GOLGB1: variants seen among roughly 807,000 people sequenced by gnomAD.
The protein encoded by GOLGB1 is golgin subfamily B member 1.
In GOLGB1, 174 loss-of-function variants were observed where a neutral mutation model predicts 336.9. The ratio of observed to expected loss-of-function variants is 0.52; its 90% CI spans 0.46 to 0.59. GOLGB1 has a LOEUF of 0.59. Among genes scored for constraint, GOLGB1 ranks in the 20% least tolerant of loss-of-function variants. GOLGB1 has a pLI of 0.00. For synonymous variants in GOLGB1, 1,208 were observed against 1,289.2 expected (o/e 0.94, Z 1.35); for missense variants, 3,331 against 3,645.3 (o/e 0.91, Z 2.22).
intron 10 of GOLGB1, among the ~76,000 whole-genome samples, chr3:121,711,476 A>C (rs534695358): frequency 6.6e-6 from 1 of 152,268 alleles, no homozygotes; most frequent in Non-Finnish European, 1.5e-5. Flanking sequence ...ACAATGCAAG[A>C]AAGTCCAGTC....
chr3:121,718,324 C>T, intron 8 of GOLGB1, 64 bp downstream of exon 8: 2 of 1,001,186 alleles, frequency 2.0e-6, no homozygotes, highest in Non-Finnish European at 3.1e-6. Context: ...ATATCTACTG[C>T]CTGGCAAACG....
At chr3:121,728,022 G>GAT (rs1945805282) in intron 4 of GOLGB1, among the ~76,000 whole-genome samples, 1 of 152,122 alleles carries the variant, frequency 6.6e-6, no homozygotes, top group Non-Finnish European at 1.5e-5. Context: ...GTATAAAATG[G>GAT]ATAATTTAAA....
At chr3:121,676,808 T>C in intron 17 of GOLGB1, 85 bp downstream of exon 17, 3 of 1,161,544 alleles carry the variant, frequency 2.6e-6, no homozygotes, top group Non-Finnish European at 3.9e-6. Flanking sequence ...CAGCTGGGAC[T>C]CTATGCTGAA....
chr3:121,681,282 C>T (rs1340820028), intron 15 of GOLGB1, among the ~76,000 whole-genome samples: 1 of 152,072 alleles, frequency 6.6e-6, no homozygotes, highest in Non-Finnish European at 1.5e-5. Context: ...AAATTGAACA[C>T]AGATTAGTGG....
intron 11 of GOLGB1, among the ~76,000 whole-genome samples, chr3:121,701,588 G>A (rs777253902): frequency 2.6e-5 from 4 of 152,098 alleles, no homozygotes; most frequent in Admixed American, 6.6e-5. Flanking sequence ...TTAACGACAC[G>A]CTACTAAATC....
rs1195358625 is a variant in GOLGB1 at position 121,693,929 on chromosome 3, G to A, written c.6594C>T (p.Ser2198=). The A allele has an allele frequency of 6.2e-7, 1 of 1,613,822 alleles. No individual in the cohort carries two copies. Residue 2198 remains serine, a synonymous_variant, in exon 13 of 22, where the codon AGC becomes AGT. Coordinates refer to ENST00000614479, the MANE Select transcript of GOLGB1 (RefSeq NM_001366282.2). ...TVTQLAAFTK[S]MSSLQDDRDR... ...CACGATCATCCTGGAGGGAAGACAT[G>A]CTCTTAGTAAAGGCTGCAAGCTGGG...
intron 6 of GOLGB1, 71 bp downstream of exon 6, chr3:121,722,191 A>T: frequency 1.2e-6 from 1 of 816,582 alleles, no homozygotes; most frequent in Non-Finnish European, 2.1e-6. Flanking sequence ...AAAGTGACTC[A>T]CTGAATTGAC....
intron 5 of GOLGB1, among the ~76,000 whole-genome samples, chr3:121,725,482 T>C (rs1218453350): frequency 1.3e-5 from 2 of 152,216 alleles, no homozygotes; most frequent in Non-Finnish European, 1.5e-5. Context: ...GTGAACCCTA[T>C]GCTTGTCCTA....
intron 5 of GOLGB1, among the ~76,000 whole-genome samples, chr3:121,725,909 A>G (rs1409234200): frequency 6.6e-6 from 1 of 152,088 alleles, no homozygotes; most frequent in Non-Finnish European, 1.5e-5. Flanking sequence ...TGAGAGCCCT[A>G]TCAGCAAGAA....
chr3:121,679,510 C>A (rs1940814260), intron 15 of GOLGB1, among the ~76,000 whole-genome samples: 1 of 152,146 alleles, frequency 6.6e-6, no homozygotes, highest in Admixed American at 6.5e-5. Flanking sequence ...CCAATGAGTA[C>A]CAAGTTTACT....
Position 121,699,870 on chromosome 3 carries a change from T to C in GOLGB1, c.1535A>G (p.Gln512Arg). 6.3e-7 allele frequency: 1 copy of C among 1,597,792 alleles called. No homozygotes were observed. ...LKAENEKLSS[Q>R]ITLLEAQNRT... ...ATTCTGAGCCTCTAGGAGAGTAATCTGAGAAGACAGTTTTTCTGAAAGTCA... is the reference window on the plus strand; with the variant it reads ...ATTCTGAGCCTCTAGGAGAGTAATCCGAGAAGACAGTTTTTCTGAAAGTCA... The change falls in exon 12 of 22, where the codon CAG (glutamine) becomes CGG (arginine). Residue 512 changes from glutamine (Q) to arginine (R), a missense_variant. Coordinates refer to ENST00000614479, the MANE Select transcript of GOLGB1 (RefSeq NM_001366282.2).
At chr3:121,700,598 T>A (rs1323430178) in intron 11 of GOLGB1, among the ~76,000 whole-genome samples, 2 of 152,136 alleles carry the variant, frequency 1.3e-5, no homozygotes, top group Non-Finnish European at 2.9e-5. Flanking sequence ...CCTCATGCTT[T>A]GACCCTACTA....
intron 5 of GOLGB1, among the ~76,000 whole-genome samples, chr3:121,726,465 G>GA (rs1015594684): frequency 1.6e-4 from 19 of 122,038 alleles, no homozygotes; most frequent in Non-Finnish European, 2.5e-4. Context: ...GAAAAGAAAA[G>GA]AAAAAAAAAT....
At chr3:121,731,593 C>G (rs574846574) in intron 1 of GOLGB1, among the ~76,000 whole-genome samples, 46 of 152,238 alleles carry the variant, frequency 3.0e-4, no homozygotes, top group Middle Eastern at 3.4e-3. Flanking sequence ...CTCCATGATA[C>G]TGCAACATTT....
At chr3:121,729,789 G>A (rs1945946090) in intron 3 of GOLGB1, 76 bp downstream of exon 3, 1 of 1,073,732 alleles carries the variant, frequency 9.3e-7, no homozygotes, top group Non-Finnish European at 1.4e-6. Context: ...TCTAAGTGGA[G>A]ACAAAAATTA....
upstream of GOLGB1, among the ~76,000 whole-genome samples, chr3:121,749,947 G>C (rs1574133): frequency 0.23 from 34,682 of 152,138 alleles, 4,261 homozygotes; most frequent in East Asian, 0.46. Context: ...GTGATTAGAC[G>C]CGAGTAGGTG....
chr3:121,719,856 A>T, intron 6 of GOLGB1, 88 bp from the exon 7 acceptor site: 1 of 1,165,428 alleles, frequency 8.6e-7, no homozygotes, highest in Non-Finnish European at 1.1e-6. Context: ...CAAGACAGAC[A>T]CTGAGACTTG....
intron 1 of GOLGB1, among the ~76,000 whole-genome samples, chr3:121,738,335 C>A (rs1946626951): frequency 6.6e-6 from 1 of 152,104 alleles, no homozygotes; most frequent in Non-Finnish European, 1.5e-5. Context: ...TCCTTTATTC[C>A]CACATAAAAA....
At chr3:121,700,985 C>A (rs562121223) in intron 11 of GOLGB1, among the ~76,000 whole-genome samples, 1 of 152,246 alleles carries the variant, frequency 6.6e-6, no homozygotes, top group South Asian at 2.1e-4. Context: ...TACCCAGCAA[C>A]TGGAATAGTG....
Sources: allele counts gnomAD v4.1 joint callset (sites outside exome capture counted in the v4.1 genomes callset), GRCh38; gene constraint gnomAD v4.1.1; transcripts MANE v1.5; gene names NCBI Gene and HGNC (gene_info 2026-07-23, HGNC 2026-07-21).